ZNF721: variants seen among roughly 807,000 people sequenced by gnomAD.
ZNF721 encodes the protein zinc finger protein 721.
In ZNF721, 2 loss-of-function variants were observed where a neutral mutation model predicts 2.4. The observed-to-expected ratio is 0.82, with a 90% confidence interval of 0.34 to 2.58. The LOEUF is 2.58. Among genes scored for constraint, ZNF721 ranks in the 30% most tolerant of loss-of-function variants. The pLI is 0.11. For synonymous variants in ZNF721, 398 were observed against 381.8 expected (o/e 1.04, Z -0.50); for missense variants, 1,187 against 1,085.5 (o/e 1.09, Z -1.31).
intron 2 of ZNF721, among the ~76,000 whole-genome samples, chr4:465,300 T>A (rs994552208): frequency 7.9e-5 from 12 of 152,006 alleles, no homozygotes; most frequent in Non-Finnish European, 1.8e-4. Flanking sequence ...GATGGGAAAA[T>A]TGTTTGATAT....
chr4:466,280 A>G (rs1553866765), intron 2 of ZNF721, among the ~76,000 whole-genome samples: 1 of 152,040 alleles, frequency 6.6e-6, no homozygotes, highest in Non-Finnish European at 1.5e-5. Context: ...GTAATCCAGT[A>G]CCTTTACTTT....
intron 2 of ZNF721, among the ~76,000 whole-genome samples, chr4:471,952 T>A (rs1196738511): frequency 6.6e-6 from 1 of 152,242 alleles, no homozygotes; most frequent in Non-Finnish European, 1.5e-5. Context: ...AAGTCCTCAC[T>A]TAATGTTCAA....
chr4:440,516 A>G lies in ZNF721; in HGVS notation c.*1179T>C, dbSNP rs1714197226. 1 of 152,188 alleles carries G rather than the reference A, an allele frequency of 6.6e-6. No individual in the cohort carries two copies. Among genetic ancestry groups the G allele is most frequent in the South Asian group, 2.1e-4 (1 of 4,830 alleles). The allele number at this position is 152,188 out of a possible 1,614,324, so 9.4% of individuals were successfully genotyped here. On this transcript the variant is annotated 3_prime_UTR_variant, in exon 3 of 3. Coordinates refer to ENST00000511833, the MANE Select transcript of ZNF721 (RefSeq NM_133474.4). Reference sequence around the variant, plus strand: ...AACTTTTGTTATACTTAATACTCTGATTTATTTTAAAGTCTGAAGTGTTAG... The same window carrying G: ...AACTTTTGTTATACTTAATACTCTGGTTTATTTTAAAGTCTGAAGTGTTAG...
intron 2 of ZNF721, among the ~76,000 whole-genome samples, chr4:457,877 A>C (rs2108700250): frequency 6.6e-6 from 1 of 152,272 alleles, no homozygotes. Context: ...CCTATAACCA[A>C]GCTCTGGTCT....
At position 441,821 on chromosome 4, in the gene ZNF721, C is replaced by T. The variant is rs782564907; in HGVS notation, c.2646G>A (p.Ala882=). ...TCTCTCCAGTATGAATTTTCTTATG[C>T]GCATAAAGATTTGCAGACTGTCTAA... ...KTFRQSANLY[A]HKKIHTGEKP... The change falls in exon 3 of 3, where the codon GCG becomes GCA. Residue 882 remains alanine (A), a synonymous_variant. Coordinates refer to ENST00000511833, the MANE Select transcript of ZNF721 (RefSeq NM_133474.4). 5.1e-5 allele frequency: 82 copies of T among 1,605,428 alleles called. No individual in the cohort carries two copies. Among genetic ancestry groups the T allele is most frequent in the Admixed American group, 2.4e-4 (14 of 59,288 alleles).
chr4:456,706 C>G (rs536181109), intron 2 of ZNF721, among the ~76,000 whole-genome samples: 1 of 152,164 alleles, frequency 6.6e-6, no homozygotes, highest in Non-Finnish European at 1.5e-5. Flanking sequence ...TGGTGAAACC[C>G]TGTCTCTACT....
chr4:450,396 T>G (rs964686241), intron 2 of ZNF721, among the ~76,000 whole-genome samples: 1 of 152,220 alleles, frequency 6.6e-6, no homozygotes, highest in African/African-American at 2.4e-5. Flanking sequence ...GAGGCCATTA[T>G]GTTAAGTGAA....
In ZNF721 at chr4:441,568, T is replaced by A; in HGVS notation, c.*127A>T. 3.9e-6 allele frequency: 3 copies of A among 761,914 alleles called. No homozygotes were observed. The highest frequency in any genetic ancestry group is 4.1e-6 in the Non-Finnish European group (2 of 488,448). The allele number at this position is 761,914 out of a possible 1,614,324, so 47.2% of individuals were successfully genotyped here. On this transcript the variant is annotated 3_prime_UTR_variant, in exon 3 of 3. Coordinates refer to ENST00000511833, the MANE Select transcript of ZNF721 (RefSeq NM_133474.4). ...TTTCTCTTCATTATGAATTATCTTA[T>A]GATTAGAAAGGATTGAGGAGCATTT... is the stretch of plus-strand genomic sequence containing the variant.
At chr4:492,781 G>T (rs1553871674) in intron 1 of ZNF721, among the ~76,000 whole-genome samples, 5 of 128,216 alleles carry the variant, frequency 3.9e-5, no homozygotes, top group African/African-American at 6.1e-5. Flanking sequence ...TTTTCTTTAA[G>T]CCTTCTTACC....
chr4:442,596 C>G lies in ZNF721; in HGVS notation c.1871G>C (p.Trp624Ser). The G allele has an allele frequency of 6.2e-7, 1 of 1,613,140 alleles. No individual in the cohort carries two copies. Among genetic ancestry groups the G allele is most frequent in the Non-Finnish European group, 8.5e-7 (1 of 1,179,714 alleles). Reference sequence around the variant, plus strand: ...CTTCTGTTGATTCAGGTCCGTGTACCATACAAAGTCTTTGCCACACTCTTC... The same window carrying G: ...CTTCTGTTGATTCAGGTCCGTGTACGATACAAAGTCTTTGCCACACTCTTC... ...KCEECGKDFV[W>S]YTDLNQQKKI... is the part of the protein sequence containing the mutation. Residue 624 changes from tryptophan to serine, a missense_variant, in exon 3 of 3, where the codon TGG (tryptophan) becomes TCG (serine). By Grantham distance (177) the Trp-to-Ser change is radical. Transcript: ENST00000511833.
At chr4:449,582 G>A (rs1219419318) in intron 2 of ZNF721, among the ~76,000 whole-genome samples, 3 of 151,906 alleles carry the variant, frequency 2.0e-5, no homozygotes, top group Non-Finnish European at 2.9e-5. Context: ...TATGCAAATG[G>A]GATTACAACA....
intron 2 of ZNF721, among the ~76,000 whole-genome samples, chr4:471,170 G>A (rs1245460807): frequency 6.6e-6 from 1 of 152,008 alleles, no homozygotes; most frequent in Non-Finnish European, 1.5e-5. Flanking sequence ...TTAGTGAGAT[G>A]TAAATTGATA....
chr4:444,093 G>A lies in ZNF721; in HGVS notation c.374C>T (p.Thr125Ile). 1 of 1,614,138 alleles carries A rather than the reference G, an allele frequency of 6.2e-7. No homozygotes were observed. Among genetic ancestry groups the A allele is most frequent in the Non-Finnish European group, 8.5e-7 (1 of 1,180,008 alleles). Residue 125 changes from threonine to isoleucine, a missense_variant, in exon 3 of 3, where the codon ACT becomes ATT. Transcript: ENST00000511833. ...TCCAGCATGAATTCCTTTATGTTGAGTTAGGTCTGAGAACTTCTGAAATGA... is the reference window on the plus strand; with the variant it reads ...TCCAGCATGAATTCCTTTATGTTGAATTAGGTCTGAGAACTTCTGAAATGA... The part of the protein sequence containing the change: ...GKSFQKFSDL[T>I]QHKGIHAGEK...
At chr4:455,189 G>A (rs1352991043) in intron 2 of ZNF721, among the ~76,000 whole-genome samples, 1 of 152,090 alleles carries the variant, frequency 6.6e-6, no homozygotes, top group African/African-American at 2.4e-5. Context: ...CATTTACATG[G>A]GATAAAGGTT....
chr4:477,931 G>A (rs1477194590), intron 1 of ZNF721, among the ~76,000 whole-genome samples: 1 of 152,142 alleles, frequency 6.6e-6, no homozygotes, highest in Admixed American at 6.5e-5. Flanking sequence ...CAATAAGGAA[G>A]CATCTCACAG....
intron 1 of ZNF721, among the ~76,000 whole-genome samples, chr4:495,005 C>T (rs1716113350): frequency 6.6e-6 from 1 of 151,526 alleles, no homozygotes; most frequent in African/African-American, 2.4e-5. Flanking sequence ...GCCTCAGCCT[C>T]CGGAGTAGCT....
At chr4:475,117 A>T (rs1715593754) in intron 1 of ZNF721, among the ~76,000 whole-genome samples, 1 of 151,640 alleles carries the variant, frequency 6.6e-6, no homozygotes, top group African/African-American at 2.4e-5. Context: ...AACCCAGGAG[A>T]CGGAGCTTCT....
At chr4:445,058 C>T (rs1380560177) in intron 2 of ZNF721, among the ~76,000 whole-genome samples, 2 of 146,150 alleles carry the variant, frequency 1.4e-5, no homozygotes, top group African/African-American at 5.1e-5. Context: ...GATCTTGGCT[C>T]ACTGCAAGCT....
In ZNF721 at chr4:499,056, C is replaced by G. The variant is rs570021260; in HGVS notation, c.-94G>C. 460 of 521,198 alleles carry G rather than the reference C, an allele frequency of 8.8e-4. 11 individuals are homozygous for G. The South Asian group carries it at 0.011, about 13-fold the overall frequency. The allele number at this position is 521,198 out of a possible 1,614,324, so 32.3% of individuals were successfully genotyped here. On this transcript the variant is annotated splice_region_variant and 5_prime_UTR_variant, in exon 1 of 3. Transcript: ENST00000511833. ...TTAAAAACTTTTTAAAACCTCGTAC[C>G]TCGCCGTGGGCGGCGACCGTCGCGG...
Sources: allele counts gnomAD v4.1 joint callset (sites outside exome capture counted in the v4.1 genomes callset), GRCh38; gene constraint gnomAD v4.1.1; transcripts MANE v1.5; gene names NCBI Gene and HGNC (gene_info 2026-07-23, HGNC 2026-07-21).